Variants in DPP10 observed in about 807,000 individuals in gnomAD.
The protein encoded by DPP10 is dipeptidyl peptidase like 10.
A neutral mutation model predicts 120.9 loss-of-function variants in DPP10; 33 were observed. That is an observed-to-expected ratio of 0.27 (90% confidence interval 0.21 to 0.37). The LOEUF is 0.37. Ranked by LOEUF, DPP10 falls within the 10% of genes least tolerant of loss-of-function variation. The pLI, the probability that DPP10 is intolerant of heterozygous loss-of-function variation, is 1.00. For synonymous variants in DPP10, 337 were observed against 326.1 expected, an observed-to-expected ratio of 1.03 and a Z score of -0.36; for missense variants, 816 against 942.8, an observed-to-expected ratio of 0.87 and a Z score of 1.76.
intron 1 of DPP10, among the ~76,000 whole-genome samples, chr2:115,115,124 C>A (rs2049432285): frequency 6.6e-6 from 1 of 151,734 alleles, no homozygotes; most frequent in South Asian, 2.1e-4. Flanking sequence ...CATCGGAGAC[C>A]TACGGGGAGG....
intron 1 of DPP10, among the ~76,000 whole-genome samples, chr2:114,567,302 C>T (rs920117151): frequency 1.3e-5 from 2 of 152,150 alleles, no homozygotes; most frequent in Admixed American, 1.3e-4. Context: ...AATCTCACAT[C>T]TGCAAAGGGA....
intron 1 of DPP10, among the ~76,000 whole-genome samples, chr2:114,659,928 C>A (rs745577922): frequency 2.0e-5 from 3 of 152,170 alleles, no homozygotes; most frequent in Non-Finnish European, 4.4e-5. Context: ...CCACCTGAAG[C>A]CAGCAAAGAG....
At chr2:115,666,695 T>C (rs2089482251) in intron 5 of DPP10, among the ~76,000 whole-genome samples, 1 of 152,176 alleles carries the variant, frequency 6.6e-6, no homozygotes, top group African/African-American at 2.4e-5. Context: ...ACTTTGCTAT[T>C]GGGAATAGTG....
intron 2 of DPP10, among the ~76,000 whole-genome samples, chr2:115,317,836 G>C (rs1248060888): frequency 6.6e-6 from 1 of 152,000 alleles, no homozygotes; most frequent in African/African-American, 2.4e-5. Context: ...CTGATAGTGA[G>C]TTGTAGGAGT....
intron 1 of DPP10, among the ~76,000 whole-genome samples, chr2:115,028,819 T>G (rs1703647707): frequency 1.3e-5 from 2 of 152,138 alleles, no homozygotes; most frequent in African/African-American, 4.8e-5. Context: ...TGACTTTCTT[T>G]GTCTCTTTTT....
At chr2:115,339,965 G>A (rs184943961) in intron 2 of DPP10, among the ~76,000 whole-genome samples, 6 of 152,258 alleles carry the variant, frequency 3.9e-5, no homozygotes, top group Admixed American at 3.9e-4. Context: ...ATCTGAGTAA[G>A]GTTGATGGAG....
chr2:115,366,232 T>C (rs1290834897), intron 3 of DPP10, among the ~76,000 whole-genome samples: 1 of 152,022 alleles, frequency 6.6e-6, no homozygotes, highest in East Asian at 1.9e-4. Flanking sequence ...ACCTCATTCC[T>C]GAAAACTTTC....
chr2:115,006,375 T>A (rs1701842467), intron 1 of DPP10, among the ~76,000 whole-genome samples: 1 of 151,438 alleles, frequency 6.6e-6, no homozygotes, highest in Non-Finnish European at 1.5e-5. Context: ...CACTATTAAC[T>A]TTAAATGTAA....
intron 21 of DPP10, among the ~76,000 whole-genome samples, chr2:115,834,902 C>T (rs1052188218): frequency 3.3e-5 from 5 of 152,032 alleles, no homozygotes; most frequent in South Asian, 2.1e-4. Context: ...CTGGCTAACA[C>T]GGTGAAACCC....
intron 1 of DPP10, among the ~76,000 whole-genome samples, chr2:115,019,589 C>A (rs1247889574): frequency 6.6e-6 from 1 of 152,142 alleles, no homozygotes; most frequent in African/African-American, 2.4e-5. Context: ...TGGAAAACAT[C>A]TTTGAGGGTA....
intron 1 of DPP10, among the ~76,000 whole-genome samples, chr2:115,224,054 A>G (rs572824684): frequency 2.0e-5 from 3 of 152,176 alleles, no homozygotes; most frequent in African/African-American, 7.2e-5. Flanking sequence ...AGGTTCAATG[A>G]TAAACTCAAA....
intron 1 of DPP10, among the ~76,000 whole-genome samples, chr2:114,808,991 T>C (rs1684967331): frequency 6.6e-6 from 1 of 151,894 alleles, no homozygotes; most frequent in African/African-American, 2.4e-5. Flanking sequence ...TGTCTTGAAA[T>C]GTGTAAAAGA....
chr2:114,751,887 C>G (rs17043482), intron 1 of DPP10, among the ~76,000 whole-genome samples: 2,594 of 152,270 alleles, frequency 0.017, 69 homozygotes, highest in African/African-American at 0.059. Flanking sequence ...AATGTGCTTA[C>G]CAGTCGCCCG....
intron 1 of DPP10, among the ~76,000 whole-genome samples, chr2:114,603,729 T>G (rs773608261): frequency 6.6e-6 from 1 of 151,974 alleles, no homozygotes; most frequent in Non-Finnish European, 1.5e-5. Flanking sequence ...AAAGTCCCAG[T>G]AAATACTTAT....
At chr2:114,768,604 A>G (rs945882107) in intron 1 of DPP10, among the ~76,000 whole-genome samples, 2 of 152,092 alleles carry the variant, frequency 1.3e-5, no homozygotes, top group Admixed American at 1.3e-4. Context: ...TCCCCATCTC[A>G]AGGGTCGTAC....
chr2:115,031,398 C>T (rs1185206554), intron 1 of DPP10, among the ~76,000 whole-genome samples: 1 of 152,086 alleles, frequency 6.6e-6, no homozygotes, highest in East Asian at 1.9e-4. Flanking sequence ...TTAGAGTTGG[C>T]TTGGTTTATT....
At chr2:115,197,815 G>A (rs952207322) in intron 1 of DPP10, among the ~76,000 whole-genome samples, 3 of 152,134 alleles carry the variant, frequency 2.0e-5, no homozygotes, top group Non-Finnish European at 2.9e-5. Flanking sequence ...ATGCTATGAC[G>A]TTTGTAATTG....
At chr2:115,175,312 A>G (rs2053615132) in intron 1 of DPP10, among the ~76,000 whole-genome samples, 1 of 152,156 alleles carries the variant, frequency 6.6e-6, no homozygotes, top group African/African-American at 2.4e-5. Context: ...TCTAACTTGT[A>G]TCATTTCCTG....
At position 115,696,792 on chromosome 2, in the gene DPP10, T is replaced by A. The variant is rs977658357; in HGVS notation, c.576+6871T>A. 3.8e-4 allele frequency among the ~76,000 whole-genome samples: 58 copies of A among 152,046 alleles called. 2 individuals are homozygous for A. Among genetic ancestry groups the A allele is most frequent in the Admixed American group, 6.6e-5 (1 of 15,250 alleles). On this transcript the variant is annotated intron_variant, in intron 7 of 25. Transcript: ENST00000410059. ...TAAAAAGCTAAGATATTTAAAATTT[T>A]TAGTCTAAAAGCTAATATTATTTTA...
Sources: allele counts gnomAD v4.1 joint callset (sites outside exome capture counted in the v4.1 genomes callset), GRCh38; gene constraint gnomAD v4.1.1; transcripts MANE v1.5; gene names NCBI Gene and HGNC (gene_info 2026-07-23, HGNC 2026-07-21).